Variants in NOL4 observed in about 807,000 individuals in gnomAD.
NOL4 encodes the protein cancer/testis antigen 125.
Under a neutral mutation model 75.9 loss-of-function variants are expected in NOL4, and 17 were observed. The observed-to-expected ratio is 0.22, with a 90% CI of 0.15 to 0.34. The LOEUF (loss-of-function observed/expected upper bound fraction) is 0.34, where lower values mean the gene tolerates loss of function less well. NOL4 is among the 10% of genes least tolerant of loss of function. NOL4 has a pLI of 1.00. For missense variants in NOL4, 614 were observed against 793.5 expected, an observed-to-expected ratio of 0.77 and a Z score of 2.72; for synonymous variants, 292 against 289.9, an observed-to-expected ratio of 1.01 and a Z score of -0.07.
intron 1 of NOL4, among the ~76,000 whole-genome samples, chr18:34,220,710 A>G (rs1479439271): frequency 6.6e-6 from 1 of 152,174 alleles, no homozygotes; most frequent in African/African-American, 2.4e-5. Flanking sequence ...AAAGAGCAAT[A>G]GACGAGTTCA....
At chr18:33,899,331 T>C (rs981595855) in intron 9 of NOL4, among the ~76,000 whole-genome samples, 1 of 152,132 alleles carries the variant, frequency 6.6e-6, no homozygotes, top group African/African-American at 2.4e-5. Context: ...TGACTTAAGA[T>C]GGTTTTTTAG....
At chr18:33,864,436 T>C (rs1471190698) in intron 10 of NOL4, among the ~76,000 whole-genome samples, 1 of 152,184 alleles carries the variant, frequency 6.6e-6, no homozygotes, top group African/African-American at 2.4e-5. Flanking sequence ...GCCACCAGCA[T>C]AGCAAGAGTG....
At chr18:33,987,425 A>T (rs2072548326) in intron 6 of NOL4, among the ~76,000 whole-genome samples, 1 of 152,102 alleles carries the variant, frequency 6.6e-6, no homozygotes, top group Non-Finnish European at 1.5e-5. Context: ...ACAGCAGGGG[A>T]AAACAATTCA....
chr18:34,008,879 T>C (rs1053815858), intron 6 of NOL4, among the ~76,000 whole-genome samples: 2 of 151,974 alleles, frequency 1.3e-5, no homozygotes, highest in Non-Finnish European at 2.9e-5. Context: ...ATTACCAGAA[T>C]GAAAAAGTGT....
At chr18:34,089,160 C>A (rs935278439) in intron 5 of NOL4, among the ~76,000 whole-genome samples, 2 of 151,668 alleles carry the variant, frequency 1.3e-5, no homozygotes, top group Non-Finnish European at 2.9e-5. Context: ...TTATATGGTA[C>A]CCAATAAGGA....
intron 5 of NOL4, among the ~76,000 whole-genome samples, chr18:34,028,889 C>A (rs1568241259): frequency 6.6e-6 from 1 of 152,180 alleles, no homozygotes; most frequent in Non-Finnish European, 1.5e-5. Flanking sequence ...AAAACTATTT[C>A]AATATTCCAA....
In NOL4 at chr18:33,933,362, G is replaced by C. The variant is rs565257252; in HGVS notation, c.1542+9703C>G. On this transcript the variant is annotated intron_variant, in intron 9 of 10. Transcript: ENST00000261592. ...TTGAATGATTAAGGTGATGGTTGTT[G>C]AAGGCTAGTGTGGTTGTGACAATTT... Among the ~76,000 whole-genome samples the C allele has an allele frequency of 2.6e-5, 4 of 152,260 alleles. No homozygotes were observed. The East Asian group carries it at 7.7e-4, about 29-fold the overall frequency.
intron 5 of NOL4, 93 bp from the exon 6 acceptor site, chr18:34,019,694 T>G: frequency 1.1e-4 from 114 of 994,432 alleles, no homozygotes; most frequent in Non-Finnish European, 1.4e-4. Flanking sequence ...ATTATATGAA[T>G]GGCATTTTAC....
At chr18:33,857,886 T>C (rs1489340890) in intron 10 of NOL4, among the ~76,000 whole-genome samples, 2 of 152,130 alleles carry the variant, frequency 1.3e-5, no homozygotes, top group African/African-American at 4.8e-5. Context: ...CACCTCTTAG[T>C]TCCACTTCGG....
Position 33,958,418 on chromosome 18 carries a change from A to C in NOL4, c.1057T>G (p.Ser353Ala). The change falls in exon 7 of 11, where the codon TCT becomes GCT. Residue 353 changes from serine (S) to alanine (A), a missense_variant and splice_region_variant. By Grantham distance (99) the Ser-to-Ala change is moderately conservative (BLOSUM62 1). Coordinates refer to ENST00000261592, the MANE Select transcript of NOL4 (RefSeq NM_003787.5). ...EREARENGSKSPAHSYSSYDS... is the reference protein window; with the variant it reads ...EREARENGSKAPAHSYSSYDS... ...TAGCTGGAGTAACTATGTGCAGGAGACTGAAAAGAGAAGGTGAAATAACTG... is the reference window on the plus strand; with the variant it reads ...TAGCTGGAGTAACTATGTGCAGGAGCCTGAAAAGAGAAGGTGAAATAACTG... 3 of 1,597,252 alleles carry C rather than the reference A, an allele frequency of 1.9e-6. No homozygotes were observed. Among genetic ancestry groups the C allele is most frequent in the Non-Finnish European group, 2.6e-6 (3 of 1,171,318 alleles).
chr18:34,158,408 A>ACC (rs1352394975), intron 1 of NOL4, among the ~76,000 whole-genome samples: 1 of 151,974 alleles, frequency 6.6e-6, no homozygotes, highest in African/African-American at 2.4e-5. Flanking sequence ...TATTTAATTT[A>ACC]CCCCCCACCC....
At chr18:33,947,585 A>G (rs1035158461) in intron 8 of NOL4, among the ~76,000 whole-genome samples, 10 of 151,806 alleles carry the variant, frequency 6.6e-5, no homozygotes, top group Admixed American at 4.6e-4. Context: ...TTCTCTATCT[A>G]TATCTTAGAA....
chr18:34,023,062 T>C (rs2075134673), intron 5 of NOL4, among the ~76,000 whole-genome samples: 3 of 152,188 alleles, frequency 2.0e-5, no homozygotes, highest in African/African-American at 7.2e-5. Flanking sequence ...ATTTCATTCC[T>C]GAGTAAATCA....
chr18:33,870,214 G>C (rs67854581), intron 10 of NOL4, among the ~76,000 whole-genome samples: 19,797 of 151,896 alleles, frequency 0.13, 1,423 homozygotes, highest in Non-Finnish European at 0.17. Context: ...TTCAAGAAGG[G>C]CATTATATGA....
intron 9 of NOL4, among the ~76,000 whole-genome samples, chr18:33,892,244 C>A (rs1362661755): frequency 6.6e-6 from 1 of 151,862 alleles, no homozygotes; most frequent in Non-Finnish European, 1.5e-5. Flanking sequence ...CCCTGGGCAA[C>A]AAAGCAAGAC....
At chr18:33,933,328 T>C (rs907810799) in intron 9 of NOL4, among the ~76,000 whole-genome samples, 1 of 152,164 alleles carries the variant, frequency 6.6e-6, no homozygotes, top group Non-Finnish European at 1.5e-5. Flanking sequence ...GACTCGATAT[T>C]GATGGCTGTT....
chr18:33,996,824 G>A (rs1163553880), intron 6 of NOL4, among the ~76,000 whole-genome samples: 1 of 151,804 alleles, frequency 6.6e-6, no homozygotes, highest in Non-Finnish European at 1.5e-5. Flanking sequence ...TGGGAACCTG[G>A]CTTGATTCCA....
At chr18:33,882,442 A>C (rs1389415501) in intron 10 of NOL4, among the ~76,000 whole-genome samples, 1 of 151,900 alleles carries the variant, frequency 6.6e-6, no homozygotes, top group African/African-American at 2.4e-5. Context: ...GCAGCCAAAA[A>C]ACACATGAAA....
rs2037496970 is a variant in NOL4, at chr18:34,224,465, A to T, written c.-1212T>A. On this transcript the variant is annotated 5_prime_UTR_variant, in exon 1 of 11. Transcript: ENST00000261592. ...GAAGTCAGCAGTTGCTCCATTCAGGACTTCCATCCATTTGTTTCCAGAGCT... is the reference window on the plus strand; with the variant it reads ...GAAGTCAGCAGTTGCTCCATTCAGGTCTTCCATCCATTTGTTTCCAGAGCT... The T allele has an allele frequency of 6.6e-6, 1 of 152,198 alleles. No individual in the cohort carries two copies. Among genetic ancestry groups the T allele is most frequent in the South Asian group, 2.1e-4 (1 of 4,830 alleles). 9.4% of individuals were successfully genotyped at this position (152,198 alleles called of 1,614,324 possible).
Sources: gnomAD v4.1 joint callset for allele counts (sites outside exome capture counted in the v4.1 genomes callset) on GRCh38, gnomAD v4.1.1 for gene constraint, MANE v1.5 for transcripts, NCBI Gene and HGNC (gene_info 2026-07-23, HGNC 2026-07-21) for gene names.